The following CTNNA3 variants were observed in gnomAD, a reference collection of about 807,000 sequenced individuals.
CTNNA3 encodes the protein catenin alpha 3.
Under a neutral mutation model 95.7 loss-of-function variants are expected in CTNNA3, and 76 were observed. That is an observed-to-expected ratio of 0.79 (90% CI 0.66 to 0.96). CTNNA3 has a LOEUF of 0.96. Among genes scored for constraint, CTNNA3 ranks in the 40% least tolerant of loss-of-function variants. The probability of loss-of-function intolerance (pLI) is 0.00; values close to 1 mark genes in which losing one functional copy is unlikely to be tolerated. For missense variants in CTNNA3, 1,191 were observed against 1,089.8 expected, an observed-to-expected ratio of 1.09 and a Z score of -1.31; for synonymous variants, 431 against 374.4, an observed-to-expected ratio of 1.15 and a Z score of -1.74.
chr10:66,057,546 A>C (rs981947457), intron 15 of CTNNA3, among the ~76,000 whole-genome samples: 1 of 152,178 alleles, frequency 6.6e-6, no homozygotes, highest in African/African-American at 2.4e-5. Flanking sequence ...CTGACAGATA[A>C]AATCAGTCTC....
rs1564756586 is a variant in CTNNA3, at chr10:66,199,805, A to ATATGTATATATATATATTTTTTT, written c.1884+80664_1884+80665insAAAAAAATATATATATATACATA. On this transcript the variant is annotated intron_variant, in intron 13 of 17. Coordinates refer to ENST00000433211, the MANE Select transcript of CTNNA3 (RefSeq NM_013266.4). Reference sequence around the variant, plus strand: ...TATATATATATATATATATATATATATTTTTTTTTTTTTTTTTTTTTTTTT... The same window carrying ATATGTATATATATATATTTTTTT: ...TATATATATATATATATATATATATATATGTATATATATATATTTTTTTTTTTTTTTTTTTTTTTTTTTTTTTT... Among the ~76,000 whole-genome samples the ATATGTATATATATATATTTTTTT allele has an allele frequency of 1.2e-3, 17 of 14,292 alleles. 2 individuals carry two copies. The highest frequency in any genetic ancestry group is 1.4e-3 in the Non-Finnish European group (13 of 9,220). 9.4% of individuals were successfully genotyped at this position (14,292 alleles called of 152,430 possible).
intron 7 of CTNNA3, among the ~76,000 whole-genome samples, chr10:67,091,643 A>C (rs1294216336): frequency 6.6e-6 from 1 of 152,110 alleles, no homozygotes; most frequent in Non-Finnish European, 1.5e-5. Flanking sequence ...AGTCATAGTC[A>C]CTAAGGTGAA....
intron 1 of CTNNA3, among the ~76,000 whole-genome samples, chr10:67,690,485 G>A (rs1840822113): frequency 6.6e-6 from 1 of 152,100 alleles, no homozygotes; most frequent in Non-Finnish European, 1.5e-5. Context: ...GTGCTGATTG[G>A]TCCATTTTAC....
At chr10:67,742,498 G>A (rs965989039) in intron 1 of CTNNA3, among the ~76,000 whole-genome samples, 7 of 150,820 alleles carry the variant, frequency 4.6e-5, no homozygotes, top group African/African-American at 1.7e-4. Flanking sequence ...ACACATTCAA[G>A]GCAGTGTGTG....
At position 66,782,238 on chromosome 10, in the gene CTNNA3, A is replaced by G. The variant is rs187995277; in HGVS notation, c.1048-6714T>C. On this transcript the variant is annotated intron_variant, in intron 7 of 17. Coordinates refer to ENST00000433211, the MANE Select transcript of CTNNA3 (RefSeq NM_013266.4). ...AGGAATAAAAGGATAAAGGGTATAC[A>G]AAGCTGGCAAATAGGAAGGGTTCAA... 2.7e-3 allele frequency among the ~76,000 whole-genome samples: 417 copies of G among 152,260 alleles called. 2 individuals carry two copies. The highest frequency in any genetic ancestry group is 9.2e-3 in the African/African-American group (383 of 41,564).
At chr10:67,594,372 T>C (rs1021533216) in intron 3 of CTNNA3, among the ~76,000 whole-genome samples, 4 of 152,276 alleles carry the variant, frequency 2.6e-5, no homozygotes, top group South Asian at 2.1e-4. Context: ...TGTGAATTCA[T>C]CTGTTCCAGG....
intron 11 of CTNNA3, among the ~76,000 whole-genome samples, chr10:66,410,513 T>C (rs3858142): frequency 0.38 from 58,166 of 152,004 alleles, 11,695 homozygotes; most frequent in African/African-American, 0.5. Flanking sequence ...GGCCCCACGC[T>C]TTTATCATGC....
intron 7 of CTNNA3, among the ~76,000 whole-genome samples, chr10:67,006,078 A>G (rs1355020502): frequency 6.6e-6 from 1 of 152,112 alleles, no homozygotes; most frequent in Non-Finnish European, 1.5e-5. Flanking sequence ...CACCTGTTGA[A>G]CAGTACAGTG....
intron 11 of CTNNA3, among the ~76,000 whole-genome samples, chr10:66,413,233 G>C (rs1489896791): frequency 6.6e-6 from 1 of 152,048 alleles, no homozygotes; most frequent in Non-Finnish European, 1.5e-5. Flanking sequence ...TGGTCCATGG[G>C]TCAGCACTAT....
rs1324745643 is a variant in CTNNA3 at position 66,159,101 on chromosome 10, C to A, written c.1885-55852G>T. Reference sequence around the variant, plus strand: ...TCAAGGTAAATGATCATGTCATCAGCAAACAGTGACAGTTTGACTTCCTCT... The same window carrying A: ...TCAAGGTAAATGATCATGTCATCAGAAAACAGTGACAGTTTGACTTCCTCT... On this transcript the variant is annotated intron_variant, in intron 13 of 17. Coordinates refer to ENST00000433211, the MANE Select transcript of CTNNA3 (RefSeq NM_013266.4). 2.0e-5 allele frequency among the ~76,000 whole-genome samples: 3 copies of A among 151,958 alleles called. No homozygotes were observed. The East Asian group carries it at 5.8e-4, about 29-fold the overall frequency.
intron 12 of CTNNA3, among the ~76,000 whole-genome samples, chr10:66,317,915 T>G (rs931152002): frequency 1.3e-5 from 2 of 152,082 alleles, no homozygotes; most frequent in African/African-American, 4.8e-5. Context: ...CACTAATGGA[T>G]TCTCCTTTTA....
At chr10:66,492,458 T>A (rs946528375) in intron 11 of CTNNA3, among the ~76,000 whole-genome samples, 3 of 151,980 alleles carry the variant, frequency 2.0e-5, no homozygotes, top group African/African-American at 7.2e-5. Context: ...TAATTTTTTT[T>A]TTTTTTTTTG....
intron 7 of CTNNA3, among the ~76,000 whole-genome samples, chr10:66,985,955 T>C (rs1850707515): frequency 6.6e-6 from 1 of 152,142 alleles, no homozygotes; most frequent in Non-Finnish European, 1.5e-5. Flanking sequence ...CTCGATCTCC[T>C]GACCTCATGA....
At chr10:67,635,007 ATTC>A (rs1839259470) in intron 2 of CTNNA3, among the ~76,000 whole-genome samples, 1 of 152,124 alleles carries the variant, frequency 6.6e-6, no homozygotes. Context: ...CAGAATATAT[ATTC>A]TTCTCATTCA....
chr10:66,496,093 C>A (rs1231581323), intron 11 of CTNNA3, among the ~76,000 whole-genome samples: 8 of 152,072 alleles, frequency 5.3e-5, no homozygotes, highest in African/African-American at 1.9e-4. Context: ...TTTTCTATAT[C>A]ATTTTCACAT....
intron 10 of CTNNA3, among the ~76,000 whole-genome samples, chr10:66,589,198 T>C (rs1322272180): frequency 6.6e-6 from 1 of 151,788 alleles, no homozygotes; most frequent in African/African-American, 2.4e-5. Flanking sequence ...CTTAGGTTTA[T>C]AAGGGTCATT....
intron 7 of CTNNA3, among the ~76,000 whole-genome samples, chr10:67,074,012 A>G (rs1856599993): frequency 1.3e-5 from 2 of 150,716 alleles, no homozygotes; most frequent in Non-Finnish European, 2.9e-5. Context: ...TATCAAAATA[A>G]TGCCAAGTAG....
intron 6 of CTNNA3, among the ~76,000 whole-genome samples, chr10:67,199,570 C>G (rs548590124): frequency 3.6e-4 from 55 of 152,134 alleles, no homozygotes; most frequent in African/African-American, 1.3e-3. Context: ...AGGGTTTCAC[C>G]GTGTTAGCCA....
At chr10:66,496,611 CTATT>C (rs1451392867) in intron 11 of CTNNA3, among the ~76,000 whole-genome samples, 7 of 152,116 alleles carry the variant, frequency 4.6e-5, no homozygotes, top group African/African-American at 1.7e-4. Context: ...AGCATGGTTG[CTATT>C]TATTTATTCA....
Sources: allele counts gnomAD v4.1 joint callset (sites outside exome capture counted in the v4.1 genomes callset), GRCh38; gene constraint gnomAD v4.1.1; transcripts MANE v1.5; gene names NCBI Gene and HGNC (gene_info 2026-07-23, HGNC 2026-07-21).